Variants in CCDC33 observed in about 807,000 individuals in gnomAD.
The protein encoded by CCDC33 is coiled-coil domain-containing protein 33.
In CCDC33, 94 loss-of-function variants were observed where a neutral mutation model predicts 91.9. The ratio of observed to expected loss-of-function variants is 1.02; its 90% confidence interval spans 0.87 to 1.21. CCDC33 has a LOEUF of 1.21. Ranked by LOEUF, CCDC33 falls within the 50% of genes most tolerant of loss-of-function variation. The pLI, the probability that CCDC33 is intolerant of heterozygous loss-of-function variation, is 0.00. For missense variants in CCDC33, 940 were observed against 935.5 expected (o/e 1.00, Z -0.06); for synonymous variants, 396 against 374.5 (o/e 1.06, Z -0.66).
chr15:74,263,845 G>A (rs1485221362), intron 3 of CCDC33, among the ~76,000 whole-genome samples: 4 of 152,190 alleles, frequency 2.6e-5, no homozygotes, highest in African/African-American at 9.7e-5. Context: ...GATGAATCTG[G>A]ATGGTGGTGT....
intron 12 of CCDC33, 104 bp from the exon 13 acceptor site, chr15:74,330,559 C>T: frequency 8.7e-7 from 1 of 1,154,824 alleles, no homozygotes; most frequent in Non-Finnish European, 1.3e-6. Flanking sequence ...CAGTCCCGTC[C>T]CAAGCCCTCG....
At chr15:74,310,634 C>T (rs758995377) in intron 11 of CCDC33, among the ~76,000 whole-genome samples, 12 of 152,174 alleles carry the variant, frequency 7.9e-5, no homozygotes, top group Non-Finnish European at 1.8e-4. Flanking sequence ...GGAGGGTACC[C>T]GCCAGCAGCG....
intron 7 of CCDC33, among the ~76,000 whole-genome samples, chr15:74,279,532 ATTTATTTAT>A (rs1394921338): frequency 2.0e-5 from 3 of 151,896 alleles, no homozygotes; most frequent in African/African-American, 7.2e-5. Context: ...TTATTTATTT[ATTTATTTAT>A]TTTATTTATT....
At chr15:74,275,135 G>A (rs764303887) in intron 7 of CCDC33, among the ~76,000 whole-genome samples, 1 of 152,198 alleles carries the variant, frequency 6.6e-6, no homozygotes, top group African/African-American at 2.4e-5. Flanking sequence ...TAATTTTAGG[G>A]CCTGCCCTCT....
upstream of CCDC33, among the ~76,000 whole-genome samples, chr15:74,215,908 A>C (rs1401739792): frequency 3.3e-5 from 5 of 151,780 alleles, no homozygotes; most frequent in Non-Finnish European, 5.9e-5. Flanking sequence ...GAAAGAAAGA[A>C]AGAAAAAAAG....
At chr15:74,314,816 C>T (rs1027668830) in intron 11 of CCDC33, among the ~76,000 whole-genome samples, 2 of 152,186 alleles carry the variant, frequency 1.3e-5, no homozygotes, top group African/African-American at 2.4e-5. Flanking sequence ...GTCCCGCCTC[C>T]GGGAGCTGGC....
chr15:74,262,545 G>A lies in CCDC33; in HGVS notation c.291G>A (p.Glu97=). The A allele has an allele frequency of 6.2e-7, 1 of 1,613,766 alleles. No individual in the cohort carries two copies. The highest frequency in any genetic ancestry group is 8.5e-7 in the Non-Finnish European group (1 of 1,179,872). ...TCTGGGGGGACACGGTGAATGTGGA[G>A]ATCCAAGCTGAGGATGCAGGGCAAG... ...APIWGDTVNV[E]IQAEDAGQED... The change falls in exon 3 of 19, where the codon GAG becomes GAA. Residue 97 remains glutamate (E), a synonymous_variant. Coordinates refer to ENST00000398814, the MANE Select transcript of CCDC33 (RefSeq NM_025055.5).
intron 5 of CCDC33, among the ~76,000 whole-genome samples, chr15:74,270,915 C>A (rs777527504): frequency 8.5e-5 from 13 of 152,106 alleles, no homozygotes; most frequent in Non-Finnish European, 1.9e-4. Context: ...AGAGGGCAGT[C>A]AGGACTGGGA....
intron 3 of CCDC33, among the ~76,000 whole-genome samples, chr15:74,263,220 A>G (rs1028380409): frequency 3.9e-5 from 6 of 152,206 alleles, no homozygotes; most frequent in Non-Finnish European, 5.9e-5. Context: ...TTGGATTTCC[A>G]TTCTCCTGGG....
At position 74,336,102 on chromosome 15, in the gene CCDC33, C is replaced by A; in HGVS notation, c.*49C>A. 1 of 1,596,352 alleles carries A rather than the reference C, an allele frequency of 6.3e-7. No homozygotes were observed. Among genetic ancestry groups the A allele is most frequent in the Middle Eastern group, 1.7e-4 (1 of 5,996 alleles). On this transcript the variant is annotated 3_prime_UTR_variant, in exon 19 of 19. Transcript: ENST00000398814. ...TGTGTGCTGGGGAGTCTCATCACCG[C>A]CCCCTAAAAATGACGTTATTAAATG... is the stretch of plus-strand genomic sequence containing the variant.
chr15:74,267,846 C>G (rs542725620), intron 4 of CCDC33, among the ~76,000 whole-genome samples: 14 of 152,340 alleles, frequency 9.2e-5, no homozygotes, highest in African/African-American at 3.1e-4. Flanking sequence ...TTACCCTCCC[C>G]CATCCCTCCT....
intron 16 of CCDC33, chr15:74,333,317 G>A (rs746951288): frequency 1.2e-5 from 19 of 1,581,612 alleles, no homozygotes; most frequent in East Asian, 6.9e-5. Flanking sequence ...GACCCTGCCC[G>A]CACAGGTGGG....
intron 1 of CCDC33, 129 bp downstream of exon 1, chr15:74,236,869 TGTGAAATG>T: frequency 1.1e-6 from 1 of 890,260 alleles, no homozygotes; most frequent in Non-Finnish European, 1.7e-6. Context: ...TTTTCACAGC[TGTGAAATG>T]GGGAGTGAGG....
At chr15:74,288,401 G>A (rs997646880) in intron 10 of CCDC33, among the ~76,000 whole-genome samples, 3 of 152,134 alleles carry the variant, frequency 2.0e-5, no homozygotes, top group African/African-American at 7.2e-5. Flanking sequence ...TCCTGTTAAA[G>A]TATCCCCCAA....
intron 10 of CCDC33, among the ~76,000 whole-genome samples, chr15:74,291,874 G>A (rs1432713109): frequency 1.3e-5 from 2 of 152,246 alleles, no homozygotes; most frequent in African/African-American, 4.8e-5. Flanking sequence ...AACAGTGAGT[G>A]CTGGGAGGAG....
At chr15:74,290,493 C>T (rs2059566012) in intron 10 of CCDC33, among the ~76,000 whole-genome samples, 1 of 152,208 alleles carries the variant, frequency 6.6e-6, no homozygotes, top group African/African-American at 2.4e-5. Flanking sequence ...CAACAGATCA[C>T]TATCACCCAT....
chr15:74,235,877 G>A (rs1322543673), upstream of CCDC33, among the ~76,000 whole-genome samples: 1 of 152,158 alleles, frequency 6.6e-6, no homozygotes, highest in Non-Finnish European at 1.5e-5. Context: ...AGTTTAGAAT[G>A]TATGCTCTTA....
intron 7 of CCDC33, among the ~76,000 whole-genome samples, chr15:74,275,309 G>T (rs1393738834): frequency 6.6e-6 from 1 of 152,182 alleles, no homozygotes; most frequent in African/African-American, 2.4e-5. Flanking sequence ...GAACTCAAAG[G>T]ATAATCTTTG....
At chr15:74,267,672 C>T (rs1264562532) in intron 4 of CCDC33, among the ~76,000 whole-genome samples, 1 of 151,378 alleles carries the variant, frequency 6.6e-6, no homozygotes, top group Non-Finnish European at 1.5e-5. Context: ...GCCAGACTGT[C>T]GGGGGTCCTA....
Sources: allele counts gnomAD v4.1 joint callset (sites outside exome capture counted in the v4.1 genomes callset), GRCh38; gene constraint gnomAD v4.1.1; transcripts MANE v1.5; gene names NCBI Gene and HGNC (gene_info 2026-07-23, HGNC 2026-07-21).